Variants in ARMH4 observed in about 807,000 individuals in gnomAD.
The protein encoded by ARMH4 is armadillo like helical domain containing 4, also known as armadillo-like helical domain-containing protein 4.
Under a neutral mutation model 61.9 loss-of-function variants are expected in ARMH4, and 49 were observed. The ratio of observed to expected loss-of-function variants is 0.79; its 90% CI spans 0.63 to 1.00. The LOEUF is 1.00. Among genes scored for constraint, ARMH4 ranks in the 50% least tolerant of loss-of-function variants. The pLI, the probability that ARMH4 is intolerant of heterozygous loss-of-function variation, is 0.00. For synonymous variants in ARMH4, 368 were observed against 341.5 expected (o/e 1.08, Z -0.85); for missense variants, 934 against 930.0 (o/e 1.00, Z -0.06).
At chr14:58,137,512 C>A (rs1887345240) in intron 2 of ARMH4, among the ~76,000 whole-genome samples, 1 of 152,108 alleles carries the variant, frequency 6.6e-6, no homozygotes, top group African/African-American at 2.4e-5. Flanking sequence ...GATTCTCCTG[C>A]CTCAGCCTCC....
chr14:58,007,347 T>TA (rs1566536638), intron 6 of ARMH4, among the ~76,000 whole-genome samples: 2 of 151,982 alleles, frequency 1.3e-5, no homozygotes, highest in Non-Finnish European at 2.9e-5. Flanking sequence ...AAATTTATAT[T>TA]TATATTTGTA....
chr14:58,096,294 C>T (rs1949273062), intron 5 of ARMH4, among the ~76,000 whole-genome samples: 1 of 152,192 alleles, frequency 6.6e-6, no homozygotes, highest in Admixed American at 6.5e-5. Context: ...ACAAAAAATG[C>T]ATTTGTTCTT....
intron 5 of ARMH4, among the ~76,000 whole-genome samples, chr14:58,058,046 C>A (rs8005294): frequency 0.052 from 7,936 of 152,234 alleles, 230 homozygotes; most frequent in African/African-American, 0.077. Context: ...CTGTTCAAAT[C>A]TAGTTTTCAC....
chr14:58,093,585 C>T (rs981660266), intron 5 of ARMH4, among the ~76,000 whole-genome samples: 2 of 152,122 alleles, frequency 1.3e-5, no homozygotes, highest in South Asian at 2.1e-4. Flanking sequence ...TAGACATCTT[C>T]GGGGAGCCAT....
intron 4 of ARMH4, among the ~76,000 whole-genome samples, chr14:58,122,365 A>G (rs1398057102): frequency 1.3e-5 from 2 of 152,176 alleles, no homozygotes; most frequent in African/African-American, 4.8e-5. Flanking sequence ...TAACACAGGG[A>G]AAGGAAGAAA....
At chr14:58,040,948 G>C (rs907770495) in intron 5 of ARMH4, among the ~76,000 whole-genome samples, 1 of 152,146 alleles carries the variant, frequency 6.6e-6, no homozygotes, top group Non-Finnish European at 1.5e-5. Context: ...AGTATCCTAC[G>C]TTCCTCTAAG....
At chr14:58,074,087 C>T (rs555758972) in intron 5 of ARMH4, among the ~76,000 whole-genome samples, 2 of 152,272 alleles carry the variant, frequency 1.3e-5, no homozygotes, top group African/African-American at 4.8e-5. Flanking sequence ...CATAAAAATT[C>T]AGAATTTAAG....
intron 6 of ARMH4, among the ~76,000 whole-genome samples, chr14:58,009,827 A>AAAAG (rs1882327422): frequency 7.6e-6 from 1 of 131,686 alleles, no homozygotes. Flanking sequence ...AAAAAAAAAA[A>AAAAG]AGAGAGAGAG....
chr14:58,005,250 G>A, intron 6 of ARMH4, 68 bp from the exon 7 acceptor site: 1 of 1,597,626 alleles, frequency 6.3e-7, no homozygotes, highest in Admixed American at 1.7e-5. Context: ...TCTCATTTCT[G>A]CTGGATGGCA....
intron 2 of ARMH4, among the ~76,000 whole-genome samples, chr14:58,136,385 C>A (rs1304185320): frequency 2.0e-5 from 3 of 152,132 alleles, no homozygotes; most frequent in Non-Finnish European, 4.4e-5. Context: ...CTATGAAGAA[C>A]TGAAGTAAAC....
Position 58,002,461 on chromosome 14 carries a change from T to C in ARMH4, c.*2275A>G, listed in dbSNP as rs1882016224. The C allele has an allele frequency of 6.6e-6, 1 of 152,094 alleles. No homozygotes were observed. Among genetic ancestry groups the C allele is most frequent in the African/African-American group, 2.4e-5 (1 of 41,408 alleles). The allele number at this position is 152,094 out of a possible 1,614,324, so 9.4% of individuals were successfully genotyped here. A position where few individuals can be genotyped will look rare whatever the true frequency, so the allele number is the denominator to read the frequency against. On this transcript the variant is annotated 3_prime_UTR_variant, in exon 8 of 8. Transcript: ENST00000267485. ...GTCATCCTCACGGACCTCTGAGAAA[T>C]GAAAATATGGGTCTGTTATTTGGGA...
intron 4 of ARMH4, among the ~76,000 whole-genome samples, chr14:58,121,044 T>C (rs1489820361): frequency 6.6e-6 from 1 of 152,164 alleles, no homozygotes; most frequent in Non-Finnish European, 1.5e-5. Context: ...ACCCCTTAGA[T>C]AGGAATTTGG....
chr14:58,018,769 G>A (rs1329051736), intron 5 of ARMH4, among the ~76,000 whole-genome samples: 1 of 152,072 alleles, frequency 6.6e-6, no homozygotes, highest in Non-Finnish European at 1.5e-5. Context: ...TCCCACTACT[G>A]GGTACATATT....
rs1337245682 is a variant in ARMH4, at chr14:58,001,662, G to A, written c.*3074C>T. 6.6e-6 allele frequency: 1 copy of A among 152,142 alleles called. No individual in the cohort carries two copies. Among genetic ancestry groups the A allele is most frequent in the Non-Finnish European group, 1.5e-5 (1 of 68,016 alleles). The allele number at this position is 152,142 out of a possible 1,614,324, so 9.4% of individuals were successfully genotyped here. Reference sequence around the variant, plus strand: ...GACCTTGTCTCTATCATAAGGAAGTGGTTCTCTAGATAGATCCCTCCTAGC... The same window carrying A: ...GACCTTGTCTCTATCATAAGGAAGTAGTTCTCTAGATAGATCCCTCCTAGC... On this transcript the variant is annotated 3_prime_UTR_variant, in exon 8 of 8. Coordinates refer to ENST00000267485, the MANE Select transcript of ARMH4 (RefSeq NM_001001872.4).
intron 1 of ARMH4, among the ~76,000 whole-genome samples, chr14:58,140,094 C>T (rs1887481033): frequency 6.6e-6 from 1 of 151,240 alleles, no homozygotes; most frequent in South Asian, 2.1e-4. Flanking sequence ...CATGGTGAAA[C>T]CCCATCTCTA....
chr14:58,129,596 G>A (rs867562135), intron 4 of ARMH4, among the ~76,000 whole-genome samples: 29 of 152,230 alleles, frequency 1.9e-4, no homozygotes, highest in African/African-American at 5.3e-4. Context: ...TTATATTCCC[G>A]GGCAAGGTAG....
chr14:58,058,097 A>T (rs1884409011), intron 5 of ARMH4, among the ~76,000 whole-genome samples: 1 of 152,208 alleles, frequency 6.6e-6, no homozygotes, highest in African/African-American at 2.4e-5. Context: ...CATCCCCAGT[A>T]TCACGGGAAA....
At chr14:58,057,424 G>A (rs910799178) in intron 5 of ARMH4, among the ~76,000 whole-genome samples, 2 of 152,176 alleles carry the variant, frequency 1.3e-5, no homozygotes, top group Non-Finnish European at 2.9e-5. Flanking sequence ...ATTTACAGAT[G>A]AGGAAAATAT....
chr14:58,138,896 GAGA>G lies in ARMH4; in HGVS notation c.460_462del (p.Ser154del), dbSNP rs1887425272. 1.2e-6 allele frequency: 2 copies of G among 1,614,104 alleles called. No individual in the cohort carries two copies. The highest frequency in any genetic ancestry group is 1.7e-6 in the Non-Finnish European group (2 of 1,180,054). On this transcript the variant is annotated inframe_deletion, in exon 2 of 8. Transcript: ENST00000267485. ...AGTTCCTCCTTTTCATCAACAGTCA[GAGA>G]AGGAGTCGCAGTGATAGCAATGGTT...
Sources: allele counts gnomAD v4.1 joint callset (sites outside exome capture counted in the v4.1 genomes callset), GRCh38; gene constraint gnomAD v4.1.1; transcripts MANE v1.5; gene names NCBI Gene and HGNC (gene_info 2026-07-23, HGNC 2026-07-21).